Variants in FAM217A observed in about 807,000 individuals in gnomAD.
The protein encoded by FAM217A is protein FAM217A.
A neutral mutation model predicts 18.5 loss-of-function variants in FAM217A; 13 were observed. The ratio of observed to expected loss-of-function variants is 0.70; its 90% CI spans 0.46 to 1.12. The LOEUF (loss-of-function observed/expected upper bound fraction) is 1.12, where lower values mean the gene tolerates loss of function less well. Among genes scored for constraint, FAM217A ranks in the 50% most tolerant of loss-of-function variants. The pLI is 0.00. For synonymous variants in FAM217A, 161 were observed against 202.8 expected, an observed-to-expected ratio of 0.79 and a Z score of 1.75; for missense variants, 560 against 575.4, an observed-to-expected ratio of 0.97 and a Z score of 0.27.
chr6:4,074,457 CT>C lies in FAM217A; in HGVS notation c.146-2del. On this transcript the variant is annotated splice_acceptor_variant, in intron 3 of 6. Coordinates refer to ENST00000274673, the MANE Select transcript of FAM217A (RefSeq NM_173563.3). LOFTEE classifies it high-confidence loss of function. ...TTCATCCTTACCTTGTTAATTTTGC[CT>C]GAAATGTGTATAAAAAATGACAATT... is the stretch of plus-strand genomic sequence containing the variant. 4 of 1,583,788 alleles carry C rather than the reference CT, an allele frequency of 2.5e-6. No homozygotes were observed. The highest frequency in any genetic ancestry group is 3.5e-6 in the Non-Finnish European group (4 of 1,154,738).
intron 1 of FAM217A, among the ~76,000 whole-genome samples, chr6:4,086,468 A>C (rs1428613414): frequency 1.3e-5 from 2 of 151,036 alleles, no homozygotes; most frequent in Non-Finnish European, 2.9e-5. Flanking sequence ...AAAAAAAAAA[A>C]AAATCCATCT....
Position 4,079,116 on chromosome 6 carries a change from C to G in FAM217A, c.-299G>C, listed in dbSNP as rs1397268549. The G allele has an allele frequency of 1.7e-5, 6 of 346,942 alleles. No homozygotes were observed. Among genetic ancestry groups the G allele is most frequent in the East Asian group, 4.4e-5 (1 of 22,688 alleles). 21.5% of individuals were successfully genotyped at this position (346,942 alleles called of 1,614,324 possible). ...GAGAGACCTTCCGGGGCCGGGGCTG[C>G]GGCTCCGCGGGCTTCCCCACCGGCC... is the stretch of plus-strand genomic sequence containing the variant. On this transcript the variant is annotated 5_prime_UTR_variant, in exon 1 of 7. Transcript: ENST00000274673.
chr6:4,070,416 A>T (rs997771683), intron 6 of FAM217A, among the ~76,000 whole-genome samples: 2 of 152,224 alleles, frequency 1.3e-5, no homozygotes, highest in Admixed American at 1.3e-4. Flanking sequence ...TTACTGTAAC[A>T]AAAAAGGAAG....
In FAM217A at chr6:4,069,021, T is replaced by TTA; in HGVS notation, c.1200_1201dup (p.Lys401IlefsTer9). The TTA allele has an allele frequency of 6.2e-7, 1 of 1,613,860 alleles. No individual in the cohort carries two copies. The highest frequency in any genetic ancestry group is 8.5e-7 in the Non-Finnish European group (1 of 1,179,968). On this transcript the variant is annotated frameshift_variant, in exon 7 of 7. Coordinates refer to ENST00000274673, the MANE Select transcript of FAM217A (RefSeq NM_173563.3). LOFTEE classifies it low-confidence loss of function (END_TRUNC). ...ACTTAAAATAGAACTTTTGGGATTC[T>TTA]TATCATAAGTTTCAATCAATTGTTT... is the stretch of plus-strand genomic sequence containing the variant.
chr6:4,079,558 G>A (rs984079125), upstream of FAM217A: 2 of 1,261,926 alleles, frequency 1.6e-6, no homozygotes, highest in Admixed American at 2.3e-5. Context: ...GCCCTTCCCT[G>A]GGCCTCTCCA....
chr6:4,086,719 C>A (rs551099105), intron 1 of FAM217A, among the ~76,000 whole-genome samples: 9 of 152,126 alleles, frequency 5.9e-5, no homozygotes, highest in Non-Finnish European at 8.8e-5. Context: ...TTATGGGGAA[C>A]CTGGCTCCTG....
chr6:4,068,575 G>A lies in FAM217A; in HGVS notation c.*121C>T. 1 of 1,110,418 alleles carries A rather than the reference G, an allele frequency of 9.0e-7. No individual in the cohort carries two copies. The highest frequency in any genetic ancestry group is 2.4e-5 in the East Asian group (1 of 41,460). The allele number at this position is 1,110,418 out of a possible 1,614,324, so 68.8% of individuals were successfully genotyped here. A position where few individuals can be genotyped will look rare whatever the true frequency, so the allele number is the denominator to read the frequency against. ...CAAGTTCTACTCCATATCACATCAAGCAACTGTTTGGTGATTTTGGGGGAC... is the reference window on the plus strand; with the variant it reads ...CAAGTTCTACTCCATATCACATCAAACAACTGTTTGGTGATTTTGGGGGAC... On this transcript the variant is annotated 3_prime_UTR_variant, in exon 7 of 7. Coordinates refer to ENST00000274673, the MANE Select transcript of FAM217A (RefSeq NM_173563.3).
intron 1 of FAM217A, among the ~76,000 whole-genome samples, chr6:4,085,311 A>AATATGTAT (rs1770584696): frequency 6.8e-6 from 1 of 146,420 alleles, no homozygotes; most frequent in African/African-American, 2.5e-5. Flanking sequence ...TGTAAAAAAA[A>AATATGTAT]ATATATATAT....
intron 1 of FAM217A, among the ~76,000 whole-genome samples, chr6:4,086,737 A>T (rs1770691351): frequency 6.6e-6 from 1 of 152,202 alleles, no homozygotes; most frequent in Non-Finnish European, 1.5e-5. Flanking sequence ...CTGGTAGAGC[A>T]TGCTGAAATC....
chr6:4,077,212 A>C (rs1205442024), intron 2 of FAM217A, 143 bp downstream of exon 2: 1 of 707,736 alleles, frequency 1.4e-6, no homozygotes. Flanking sequence ...TGCTGTTCCA[A>C]ATGTGCCAAA....
chr6:4,074,768 A>G, intron 2 of FAM217A, 107 bp from the exon 3 acceptor site: 3 of 777,484 alleles, frequency 3.9e-6, no homozygotes, highest in Non-Finnish European at 6.5e-6. Flanking sequence ...ACAAAGCTTC[A>G]TGACTCTCAC....
At chr6:4,072,401 C>T (rs541186531) in intron 6 of FAM217A, among the ~76,000 whole-genome samples, 1 of 148,770 alleles carries the variant, frequency 6.7e-6, no homozygotes, top group Non-Finnish European at 1.5e-5. Flanking sequence ...CACCATGGCA[C>T]GTGTATACCT....
upstream of FAM217A, among the ~76,000 whole-genome samples, chr6:4,083,108 T>C (rs766518046): frequency 3.3e-5 from 5 of 152,166 alleles, no homozygotes; most frequent in Non-Finnish European, 5.9e-5. Flanking sequence ...ATAAACACAG[T>C]AGGATGAGGC....
In FAM217A at chr6:4,074,396, A is replaced by T. The variant is rs188782049; in HGVS notation, c.159+47T>A. 2.3e-4 allele frequency: 350 copies of T among 1,489,966 alleles called. 3 individuals carry two copies. The East Asian group carries it at 6.7e-3, about 29-fold the overall frequency. The allele number at this position is 1,489,966 out of a possible 1,614,324, so 92.3% of individuals were successfully genotyped here. A position where few individuals can be genotyped will look rare whatever the true frequency, so the allele number is the denominator to read the frequency against. On this transcript the variant is annotated intron_variant, in intron 4 of 6. Coordinates refer to ENST00000274673, the MANE Select transcript of FAM217A (RefSeq NM_173563.3). ...TTTTTTAAAGAACATACTTATTTTA[A>T]AATCGTATGTTTTATGAATACCTTA...
At chr6:4,078,049 CTTTTTTTT>C (rs10600748) in intron 1 of FAM217A, among the ~76,000 whole-genome samples, 1 of 114,010 alleles carries the variant, frequency 8.8e-6, no homozygotes, top group African/African-American at 3.7e-5. Context: ...GAAAGAATCA[CTTTTTTTT>C]TTTTTTTTTT....
chr6:4,070,563 CTAGT>C (rs1009617899), intron 6 of FAM217A, among the ~76,000 whole-genome samples: 5 of 151,992 alleles, frequency 3.3e-5, no homozygotes, highest in African/African-American at 4.8e-5. Context: ...TACTGAGTTT[CTAGT>C]TAGTTTTTGT....
At chr6:4,072,210 G>A (rs991130561) in intron 6 of FAM217A, among the ~76,000 whole-genome samples, 13 of 151,610 alleles carry the variant, frequency 8.6e-5, no homozygotes, top group African/African-American at 2.2e-4. Context: ...GCATGGTGGC[G>A]GGCACCTGTA....
chr6:4,085,311 A>ATATATATATAT (rs1554147275), intron 1 of FAM217A, among the ~76,000 whole-genome samples: 3 of 146,420 alleles, frequency 2.0e-5, no homozygotes, highest in East Asian at 2.0e-4. Context: ...TGTAAAAAAA[A>ATATATATATAT]ATATATATAT....
chr6:4,077,874 G>C (rs1769942462), intron 1 of FAM217A, among the ~76,000 whole-genome samples: 1 of 152,112 alleles, frequency 6.6e-6, no homozygotes, highest in African/African-American at 2.4e-5. Context: ...AGCACCCCGT[G>C]CATATTTCGG....
Sources: gnomAD v4.1 joint callset for allele counts (sites outside exome capture counted in the v4.1 genomes callset) on GRCh38, gnomAD v4.1.1 for gene constraint, MANE v1.5 for transcripts, NCBI Gene and HGNC (gene_info 2026-07-23, HGNC 2026-07-21) for gene names.